The following PCDHA4 variants were observed in gnomAD, a reference collection of about 807,000 sequenced individuals.
PCDHA4 encodes the protein protocadherin alpha 4, also known as protocadherin alpha-4.
Under a neutral mutation model 61.4 loss-of-function variants are expected in PCDHA4, and 49 were observed. The ratio of observed to expected loss-of-function variants is 0.80; its 90% CI spans 0.63 to 1.01. The LOEUF (loss-of-function observed/expected upper bound fraction) is 1.01, where lower values mean the gene tolerates loss of function less well. Ranked by LOEUF, PCDHA4 falls within the 50% of genes least tolerant of loss-of-function variation. PCDHA4 has a pLI of 0.00. For synonymous variants in PCDHA4, 590 were observed against 550.3 expected, an observed-to-expected ratio of 1.07 and a Z score of -1.01; for missense variants, 1,254 against 1,235.8, an observed-to-expected ratio of 1.01 and a Z score of -0.22.
At chr5:140,821,779 G>T in intron 1 of PCDHA4, 9 of 1,609,366 alleles carry the variant, frequency 5.6e-6, no homozygotes, top group Non-Finnish European at 7.6e-6. Flanking sequence ...GATTGAGATG[G>T]TATATTCCCG....
intron 1 of PCDHA4, chr5:140,859,021 T>C (rs537770888): frequency 6.6e-6 from 1 of 151,436 alleles, no homozygotes; most frequent in Admixed American, 6.6e-5. Context: ...GCAATTAAGT[T>C]AAATGCTTTG....
intron 1 of PCDHA4, chr5:140,870,840 A>G (rs1554164745): frequency 1.9e-6 from 3 of 1,613,712 alleles, no homozygotes; most frequent in Admixed American, 3.3e-5. Context: ...TTAACAAGCT[A>G]GTACCGCGGT....
rs943373745 is a variant in PCDHA4 at position 140,935,260 on chromosome 5, G to A, written c.2386-43689G>A. Among the ~76,000 whole-genome samples the A allele has an allele frequency of 3.3e-5, 5 of 152,168 alleles. No individual in the cohort carries two copies. In the South Asian group the frequency reaches 8.3e-4, roughly 25 times the overall value. On this transcript the variant is annotated intron_variant, in intron 1 of 3. Transcript: ENST00000530339. ...TTTTAAAAGATAAAATACATCACAT[G>A]TTTATACTAATCTAATAAAGTTCAG... is the stretch of plus-strand genomic sequence containing the variant.
At chr5:140,947,996 T>C (rs185303145) in intron 1 of PCDHA4, among the ~76,000 whole-genome samples, 1 of 126,772 alleles carries the variant, frequency 7.9e-6, no homozygotes, top group Non-Finnish European at 1.7e-5. Context: ...CCAAATACTT[T>C]ATTAAATTTA....
At chr5:140,943,726 A>G (rs181662166) in intron 1 of PCDHA4, among the ~76,000 whole-genome samples, 8 of 152,372 alleles carry the variant, frequency 5.3e-5, no homozygotes, top group Middle Eastern at 3.4e-3. Flanking sequence ...GTCTGAGAGA[A>G]TGAAAGTCCA....
At position 140,849,254 on chromosome 5, in the gene PCDHA4, A is replaced by C. The variant is rs2150433667; in HGVS notation, c.2385+39682A>C. The stretch of plus-strand genomic sequence containing the variant: ...CCCTGTATACGGTGAAATTACCAGA[A>C]AACGTTTCTATCGGAACGCTGGTGA... On this transcript the variant is annotated intron_variant, in intron 1 of 3. Coordinates refer to ENST00000530339, the MANE Select transcript of PCDHA4 (RefSeq NM_018907.4). The C allele has an allele frequency of 1.6e-4, 171 of 1,103,146 alleles. 11 individuals are homozygous for C. In the South Asian group the frequency reaches 1.7e-3, roughly 11 times the overall value. 68.3% of individuals were successfully genotyped at this position (1,103,146 alleles called of 1,614,324 possible). A position where few individuals can be genotyped will look rare whatever the true frequency, so the allele number is the denominator to read the frequency against.
At chr5:140,926,483 A>C (rs1261469017) in intron 1 of PCDHA4, 4 of 168,788 alleles carry the variant, frequency 2.4e-5, no homozygotes, top group East Asian at 1.7e-4. Flanking sequence ...TAAGGAGAGA[A>C]GTGTTAGTGT....
chr5:140,812,396 G>A (rs1440130851), intron 1 of PCDHA4: 1 of 151,718 alleles, frequency 6.6e-6, no homozygotes, highest in East Asian at 1.9e-4. Flanking sequence ...GTCTAGCTAA[G>A]GGGCTTGTCA....
At chr5:140,863,489 C>T (rs1032120656) in intron 1 of PCDHA4, 20 of 450,876 alleles carry the variant, frequency 4.4e-5, no homozygotes, top group Non-Finnish European at 8.4e-5. Context: ...CCAAGGTCAA[C>T]ATTACGGCTT....
At position 141,012,023 on chromosome 5, in the gene PCDHA4, C is replaced by T. The variant is rs1174206729; in HGVS notation, c.*2086C>T. On this transcript the variant is annotated 3_prime_UTR_variant, in exon 4 of 4. Coordinates refer to ENST00000530339, the MANE Select transcript of PCDHA4 (RefSeq NM_018907.4). ...TATTTTGAAGGGTGTGTAACTTCAGCTCTGCAGGATTGCATGGGGTAAAAC... is the reference window on the plus strand; with the variant it reads ...TATTTTGAAGGGTGTGTAACTTCAGTTCTGCAGGATTGCATGGGGTAAAAC... The T allele has an allele frequency of 6.5e-6, 1 of 153,700 alleles. No individual in the cohort carries two copies. The highest frequency in any genetic ancestry group is 1.5e-5 in the Non-Finnish European group (1 of 68,026). The allele number at this position is 153,700 out of a possible 1,614,324, so 9.5% of individuals were successfully genotyped here.
chr5:140,809,269 G>A lies in PCDHA4; in HGVS notation c.2082G>A (p.Val694=). ...VGAVGPDAAL[V]DVNVYLIIAI... ...CTGTGGGTCCCGATGCTGCGCTGGT[G>A]GATGTCAACGTATACCTGATCATTG... is the stretch of plus-strand genomic sequence containing the variant. Residue 694 remains valine (V), a synonymous_variant, in exon 1 of 4, where the codon GTG becomes GTA. Transcript: ENST00000530339. 2 of 1,614,106 alleles carry A rather than the reference G, an allele frequency of 1.2e-6. No homozygotes were observed. Among genetic ancestry groups the A allele is most frequent in the African/African-American group, 1.3e-5 (1 of 75,066 alleles).
At chr5:140,839,449 G>A (rs1251929255) in intron 1 of PCDHA4, among the ~76,000 whole-genome samples, 1 of 151,836 alleles carries the variant, frequency 6.6e-6, no homozygotes, top group African/African-American at 2.4e-5. Context: ...CAGTGCAGTG[G>A]CACAATCTGG....
intron 1 of PCDHA4, chr5:140,865,271 T>C (rs1554159342): frequency 6.6e-6 from 1 of 152,236 alleles, no homozygotes; most frequent in East Asian, 1.9e-4. Flanking sequence ...TCAAATTATA[T>C]GTAAAATTAC....
chr5:140,851,821 C>A, intron 1 of PCDHA4: 1 of 958,244 alleles, frequency 1.0e-6, no homozygotes, highest in Non-Finnish European at 1.3e-6. Context: ...AGACAGAAAT[C>A]TGTTTTTTTA....
At chr5:141,001,030 G>A (rs1356604139) in intron 3 of PCDHA4, among the ~76,000 whole-genome samples, 1 of 151,894 alleles carries the variant, frequency 6.6e-6, no homozygotes, top group Non-Finnish European at 1.5e-5. Context: ...TATAATAATA[G>A]CTTTAATTAA....
In PCDHA4 at chr5:140,883,232, G is replaced by C. The variant is rs782490836; in HGVS notation, c.2385+73660G>C. 3 of 1,613,952 alleles carry C rather than the reference G, an allele frequency of 1.9e-6. No individual in the cohort carries two copies. The Admixed American group carries it at 5.0e-5, about 27-fold the overall frequency. On this transcript the variant is annotated intron_variant, in intron 1 of 3. Transcript: ENST00000530339. ...GAAATTATATGAAATATCCGTGGAGGCAGTTGACAAAGGAAATATTCCAAT... is the reference window on the plus strand; with the variant it reads ...GAAATTATATGAAATATCCGTGGAGCCAGTTGACAAAGGAAATATTCCAAT...
In PCDHA4 at chr5:140,919,389, T is replaced by C. The variant is rs1042186256; in HGVS notation, c.2386-59560T>C. 3.9e-5 allele frequency among the ~76,000 whole-genome samples: 6 copies of C among 152,360 alleles called. No homozygotes were observed. The East Asian group carries it at 1.2e-3, about 29-fold the overall frequency. ...CTGCAGACAACACATAGTTGGATGTTGTTTTCCTAAAAACTCTAGACTGAC... is the reference window on the plus strand; with the variant it reads ...CTGCAGACAACACATAGTTGGATGTCGTTTTCCTAAAAACTCTAGACTGAC... On this transcript the variant is annotated intron_variant, in intron 1 of 3. Coordinates refer to ENST00000530339, the MANE Select transcript of PCDHA4 (RefSeq NM_018907.4).
At chr5:141,008,698 G>A (rs246582) in intron 3 of PCDHA4, among the ~76,000 whole-genome samples, 2,594 of 152,212 alleles carry the variant, frequency 0.017, 88 homozygotes, top group African/African-American at 0.059. Context: ...GTATTAAGTT[G>A]GTTTCTAGTT....
chr5:140,914,318 T>C (rs2076678777), intron 1 of PCDHA4, among the ~76,000 whole-genome samples: 6 of 152,216 alleles, frequency 3.9e-5, no homozygotes, highest in Admixed American at 3.9e-4. Flanking sequence ...CCCATTATCA[T>C]TGTACAAAGA....
Sources: allele counts gnomAD v4.1 joint callset (sites outside exome capture counted in the v4.1 genomes callset), GRCh38; gene constraint gnomAD v4.1.1; transcripts MANE v1.5; gene names NCBI Gene and HGNC (gene_info 2026-07-23, HGNC 2026-07-21).